Variants in ACACB observed in about 807,000 individuals in gnomAD.
ACACB encodes acetyl-CoA carboxylase 2.
A neutral mutation model predicts 278.8 loss-of-function variants in ACACB; 209 were observed. That is an observed-to-expected ratio of 0.75 (90% CI 0.67 to 0.84). ACACB has a LOEUF of 0.84. Ranked by LOEUF, ACACB falls within the 40% of genes least tolerant of loss-of-function variation. The pLI is 0.00. For synonymous variants in ACACB, 1,174 were observed against 1,285.6 expected (o/e 0.91, Z 1.86); for missense variants, 2,850 against 3,269.0 (o/e 0.87, Z 3.13).
At position 109,206,805 on chromosome 12, in the gene ACACB, C is replaced by T; in HGVS notation, c.3009C>T (p.Leu1003=). Residue 1003 remains leucine, a synonymous_variant, in exon 20 of 53, where the codon CTC becomes CTT. Coordinates refer to ENST00000338432, the MANE Select transcript of ACACB (RefSeq NM_001093.4). ...TCTTCCACAGCGTCCTGGAAAACCT[C>T]ACCAACGTCATGAGTGGCTTTTGTC... ...HQVFHSVLEN[L]TNVMSGFCLP... is the part of the protein sequence containing the mutation. 6.2e-7 allele frequency: 1 copy of T among 1,614,140 alleles called. No individual in the cohort carries two copies. Among genetic ancestry groups the T allele is most frequent in the Non-Finnish European group, 8.5e-7 (1 of 1,180,026 alleles).
Position 109,222,782 on chromosome 12 carries a change from C to T in ACACB, c.3679-17C>T. The stretch of plus-strand genomic sequence containing the variant: ...GGAGGTTGGCTCACGCCAGCGCCCC[C>T]ATCCCTCCCCCTGCAGATCCTGATT... On this transcript the variant is annotated splice_polypyrimidine_tract_variant and intron_variant, in intron 25 of 52. Coordinates refer to ENST00000338432, the MANE Select transcript of ACACB (RefSeq NM_001093.4). 6.2e-7 allele frequency: 1 copy of T among 1,604,096 alleles called. No homozygotes were observed. The highest frequency in any genetic ancestry group is 1.1e-5 in the South Asian group (1 of 90,768).
At chr12:109,203,442 C>T (rs1212325483) in intron 19 of ACACB, among the ~76,000 whole-genome samples, 2 of 152,234 alleles carry the variant, frequency 1.3e-5, no homozygotes, top group East Asian at 1.9e-4. Flanking sequence ...CCTCCACCCA[C>T]GTGCAAACAC....
rs1032196760 is a variant in ACACB, at chr12:109,140,955, C to T, written c.653+897C>T. On this transcript the variant is annotated intron_variant, in intron 2 of 52. Transcript: ENST00000338432. ...TCTGTCACTCTGTTAGCTGAGTGTA[C>T]TGGTAGGATCATAGCTCACTACAAC... 1.4e-4 allele frequency among the ~76,000 whole-genome samples: 18 copies of T among 130,768 alleles called. No homozygotes were observed. In the South Asian group the frequency reaches 2.1e-3, roughly 15 times the overall value. The allele number at this position is 130,768 out of a possible 152,430, so 85.8% of individuals were successfully genotyped here.
chr12:109,180,424 A>G (rs754954983), intron 11 of ACACB, among the ~76,000 whole-genome samples: 39 of 152,162 alleles, frequency 2.6e-4, no homozygotes, highest in Admixed American at 1.4e-3. Context: ...GATATTGTAG[A>G]TATATCTGTG....
chr12:109,242,434 C>T lies in ACACB; in HGVS notation c.5023-3C>T, dbSNP rs1294639162. Reference sequence around the variant, plus strand: ...TCTCTGTTTTCCCTCCTTTCTGGTCCAGATCATGTTTCACTCCTTCGGCAA... The same window carrying T: ...TCTCTGTTTTCCCTCCTTTCTGGTCTAGATCATGTTTCACTCCTTCGGCAA... On this transcript the variant is annotated splice_polypyrimidine_tract_variant and splice_region_variant and intron_variant, in intron 36 of 52. Coordinates refer to ENST00000338432, the MANE Select transcript of ACACB (RefSeq NM_001093.4). 2 of 1,613,204 alleles carry T rather than the reference C, an allele frequency of 1.2e-6. No individual in the cohort carries two copies. Among genetic ancestry groups the T allele is most frequent in the Non-Finnish European group, 1.7e-6 (2 of 1,179,510 alleles).
At position 109,206,859 on chromosome 12, in the gene ACACB, A is replaced by G. The variant is rs927026514; in HGVS notation, c.3060+3A>G. ...CAGAGCCCGTTTTTAGCATAAAGGT[A>G]AAGTCACCTATGAGCGCAGGCGTGT... On this transcript the variant is annotated splice_donor_region_variant and intron_variant, in intron 20 of 52. Coordinates refer to ENST00000338432, the MANE Select transcript of ACACB (RefSeq NM_001093.4). 2.5e-6 allele frequency: 4 copies of G among 1,614,204 alleles called. No individual in the cohort carries two copies. The highest frequency in any genetic ancestry group is 3.4e-6 in the Non-Finnish European group (4 of 1,180,028).
chr12:109,138,045 C>G (rs1261681845), intron 1 of ACACB, among the ~76,000 whole-genome samples: 1 of 151,906 alleles, frequency 6.6e-6, no homozygotes, highest in East Asian at 1.9e-4. Context: ...TTACAGGCAC[C>G]CACCTCCATG....
intron 45 of ACACB, among the ~76,000 whole-genome samples, chr12:109,256,923 A>G (rs187385621): frequency 6.6e-6 from 1 of 152,300 alleles, no homozygotes; most frequent in African/African-American, 2.4e-5. Context: ...TTTAAAATCG[A>G]CATACTCCAT....
chr12:109,192,824 G>A (rs915253947), intron 15 of ACACB, among the ~76,000 whole-genome samples: 1 of 151,922 alleles, frequency 6.6e-6, no homozygotes, highest in African/African-American at 2.4e-5. Flanking sequence ...ATCATGCCTG[G>A]CCAATTTTTT....
intron 36 of ACACB, chr12:109,241,568 G>A (rs561822210): frequency 4.9e-5 from 19 of 384,262 alleles, no homozygotes; most frequent in South Asian, 8.0e-5. Context: ...GGCTGGTCTC[G>A]AATTCCTGAC....
chr12:109,160,878 C>T (rs750412155), intron 2 of ACACB, among the ~76,000 whole-genome samples: 2 of 152,164 alleles, frequency 1.3e-5, no homozygotes, highest in Non-Finnish European at 2.9e-5. Flanking sequence ...AACATGGTGG[C>T]CAAGAATGGT....
chr12:109,249,808 A>C, intron 40 of ACACB, 176 bp from the exon 41 acceptor site: 7 of 656,154 alleles, frequency 1.1e-5, no homozygotes, highest in Non-Finnish European at 1.7e-5. Flanking sequence ...TTGCCCTTTT[A>C]GAAATCTTAG....
intron 6 of ACACB, 37 bp from the exon 7 acceptor site, chr12:109,174,095 C>T (rs1432275958): frequency 1.3e-6 from 2 of 1,567,574 alleles, no homozygotes; most frequent in Non-Finnish European, 1.7e-6. Flanking sequence ...TTGTGACTGA[C>T]CGGATTCTGC....
At chr12:109,149,934 T>A (rs570824582) in intron 2 of ACACB, among the ~76,000 whole-genome samples, 2 of 152,296 alleles carry the variant, frequency 1.3e-5, no homozygotes, top group Non-Finnish European at 2.9e-5. Context: ...TGGGGGCTGG[T>A]GTGCTGGCTT....
At chr12:109,140,157 T>C in intron 2 of ACACB, 99 bp downstream of exon 2, 1 of 1,313,958 alleles carries the variant, frequency 7.6e-7, no homozygotes, top group Non-Finnish European at 1.0e-6. Flanking sequence ...TGTTTGCTGA[T>C]GCCAAAGCTT....
rs760389256 is a variant in ACACB at position 109,197,170 on chromosome 12, G to A, written c.2627+17G>A. ...GGTTGACAGGTGCGTGGGGGTGCGA[G>A]TCCCACTGTGGGCTGGGCATGCACA... On this transcript the variant is annotated intron_variant, in intron 17 of 52. Transcript: ENST00000338432. 2 of 1,595,930 alleles carry A rather than the reference G, an allele frequency of 1.3e-6. No homozygotes were observed. Among genetic ancestry groups the A allele is most frequent in the East Asian group, 2.3e-5 (1 of 43,168 alleles).
rs755847339 is a variant in ACACB at position 109,188,057 on chromosome 12, T to C, written c.2039T>C (p.Val680Ala). 2 of 1,613,752 alleles carry C rather than the reference T, an allele frequency of 1.2e-6. No homozygotes were observed. The highest frequency in any genetic ancestry group is 3.3e-5 in the Admixed American group (2 of 60,014). ...QELNFRSSKN[V>A]WGYFSVAATG... ...CTGAATTTCCGGAGCAGCAAGAACG[T>C]GTGGGGTTACTTCAGCGTGGCCGCT... The change falls in exon 13 of 53, where the codon GTG becomes GCG. Residue 680 changes from valine to alanine, a missense_variant. Transcript: ENST00000338432.
rs200094174 is a variant in ACACB at position 109,241,191 on chromosome 12, C to T, written c.4932C>T (p.Ala1644=). ...TCCGCCAGACCACCACCGGCAGTGC[C>T]GTTCCCATCCGCCTGTTCATCACCA... ...INIRQTTTGS[A]VPIRLFITNE... Residue 1644 remains alanine (A), a synonymous_variant, in exon 36 of 53, where the codon GCC becomes GCT. Coordinates refer to ENST00000338432, the MANE Select transcript of ACACB (RefSeq NM_001093.4). The T allele has an allele frequency of 1.6e-5, 26 of 1,614,194 alleles. No homozygotes were observed. Among genetic ancestry groups the T allele is most frequent in the African/African-American group, 4.0e-5 (3 of 75,046 alleles).
At position 109,252,223 on chromosome 12, in the gene ACACB, G is replaced by C. The variant is rs979773067; in HGVS notation, c.5901+67G>C. 4.6e-6 allele frequency: 5 copies of C among 1,082,232 alleles called. No homozygotes were observed. The African/African-American group carries it at 6.5e-5, about 14-fold the overall frequency. The allele number at this position is 1,082,232 out of a possible 1,614,324, so 67.0% of individuals were successfully genotyped here. ...CAGGAGTCATTTTAACATTCCCATTGGTCTCTGGTGGGGGATTTTTCTCAA... is the reference window on the plus strand; with the variant it reads ...CAGGAGTCATTTTAACATTCCCATTCGTCTCTGGTGGGGGATTTTTCTCAA... On this transcript the variant is annotated intron_variant, in intron 42 of 52. Transcript: ENST00000338432.
Sources: allele counts gnomAD v4.1 joint callset (sites outside exome capture counted in the v4.1 genomes callset), GRCh38; gene constraint gnomAD v4.1.1; transcripts MANE v1.5; gene names NCBI Gene and HGNC (gene_info 2026-07-23, HGNC 2026-07-21).